Variants in MAMDC2 observed in about 807,000 individuals in gnomAD.
The protein encoded by MAMDC2 is MAM domain containing 2.
MAMDC2 carries 57 observed loss-of-function variants against 89.8 expected under a neutral mutation model. That is an observed-to-expected ratio of 0.63 (90% CI 0.51 to 0.79). MAMDC2 has a LOEUF of 0.79. Ranked by LOEUF, MAMDC2 falls within the 30% of genes least tolerant of loss-of-function variation. The pLI, the probability that MAMDC2 is intolerant of heterozygous loss-of-function variation, is 0.00. For missense variants in MAMDC2, 800 were observed against 820.6 expected, an observed-to-expected ratio of 0.97 and a Z score of 0.31; for synonymous variants, 313 against 293.4, an observed-to-expected ratio of 1.07 and a Z score of -0.68.
chr9:70,086,251 T>C (rs1827768277), intron 2 of MAMDC2: 1 of 152,196 alleles, frequency 6.6e-6, no homozygotes, highest in Non-Finnish European at 1.5e-5. Context: ...TTTATAAAAA[T>C]ACTGTTATAT....
chr9:70,146,698 C>T (rs117540069), intron 9 of MAMDC2, among the ~76,000 whole-genome samples: 10,462 of 152,096 alleles, frequency 0.069, 562 homozygotes, highest in East Asian at 0.22. Context: ...TCTGGGAGAC[C>T]GAGGCGAGTC....
In MAMDC2 at chr9:70,044,641, G is replaced by T. The variant is rs1385423316; in HGVS notation, c.92G>T (p.Ser31Ile). 2.6e-6 allele frequency: 4 copies of T among 1,551,614 alleles called. No homozygotes were observed. Among genetic ancestry groups the T allele is most frequent in the Non-Finnish European group, 2.6e-6 (3 of 1,147,002 alleles). Residue 31 changes from serine to isoleucine, a missense_variant, in exon 2 of 14, where the codon AGC (serine) becomes ATC (isoleucine). Transcript: ENST00000377182. ...LPAGSCAFEE[S>I]TCGFDSVLAS... ...GCTGGGTCCTGTGCCTTTGAAGAGA[G>T]CACTTGCGGCTTTGACTCCGTGTTG...
intron 2 of MAMDC2, among the ~76,000 whole-genome samples, chr9:70,045,605 A>C (rs577922501): frequency 2.7e-4 from 41 of 151,846 alleles, no homozygotes; most frequent in African/African-American, 9.7e-4. Context: ...AGATCCTCCC[A>C]CCTCGCTCCC....
At chr9:70,203,001 C>G (rs2033135954) in intron 11 of MAMDC2, among the ~76,000 whole-genome samples, 1 of 151,998 alleles carries the variant, frequency 6.6e-6, no homozygotes, top group African/African-American at 2.4e-5. Context: ...GATCTTGACT[C>G]TTTATCCAAT....
chr9:70,199,059 G>GTT (rs1554681332), intron 11 of MAMDC2, among the ~76,000 whole-genome samples: 3 of 29,622 alleles, frequency 1.0e-4, no homozygotes, highest in South Asian at 2.6e-3. Context: ...TTTTTCGTTT[G>GTT]TTTTTTTTTT....
chr9:70,206,306 G>A (rs893390475), intron 11 of MAMDC2, among the ~76,000 whole-genome samples: 1 of 152,114 alleles, frequency 6.6e-6, no homozygotes, highest in Non-Finnish European at 1.5e-5. Flanking sequence ...AGTTATTGTT[G>A]TTAATCTCTT....
intron 4 of MAMDC2, among the ~76,000 whole-genome samples, chr9:70,111,002 G>C (rs538339144): frequency 1.3e-5 from 2 of 152,342 alleles, no homozygotes; most frequent in African/African-American, 4.8e-5. Context: ...CGTTTCACTT[G>C]TCTGTTTTGA....
chr9:70,212,022 G>A (rs1587576189), intron 11 of MAMDC2, among the ~76,000 whole-genome samples: 1 of 152,226 alleles, frequency 6.6e-6, no homozygotes, highest in African/African-American at 2.4e-5. Context: ...GCTGTATTAA[G>A]TGTCAGTTGG....
intron 11 of MAMDC2, among the ~76,000 whole-genome samples, chr9:70,191,403 T>G (rs1587556868): frequency 6.6e-6 from 1 of 152,166 alleles, no homozygotes; most frequent in Admixed American, 6.6e-5. Flanking sequence ...GAATTATTAA[T>G]CATAATTATT....
At chr9:70,212,411 T>C (rs777224157) in intron 11 of MAMDC2, among the ~76,000 whole-genome samples, 4 of 152,242 alleles carry the variant, frequency 2.6e-5, no homozygotes, top group Non-Finnish European at 4.4e-5. Flanking sequence ...CTCTGTGGGT[T>C]TGGGACCCTC....
intron 2 of MAMDC2, among the ~76,000 whole-genome samples, chr9:70,093,342 G>T (rs1827950262): frequency 6.6e-6 from 1 of 151,982 alleles, no homozygotes. Flanking sequence ...AGGTACACCT[G>T]GGGAACTTGC....
intron 12 of MAMDC2, among the ~76,000 whole-genome samples, chr9:70,220,432 C>A (rs2033534102): frequency 6.6e-6 from 1 of 152,138 alleles, no homozygotes; most frequent in Admixed American, 6.5e-5. Flanking sequence ...ATAAGAATCT[C>A]CTCTGTGTTA....
chr9:70,136,636 GA>G (rs994758530), intron 7 of MAMDC2, among the ~76,000 whole-genome samples: 2 of 151,534 alleles, frequency 1.3e-5, no homozygotes, highest in Admixed American at 1.3e-4. Flanking sequence ...GACAAAGAAT[GA>G]AAAAAAAGGA....
At chr9:70,202,277 C>G (rs1177494676) in intron 11 of MAMDC2, among the ~76,000 whole-genome samples, 49 of 151,362 alleles carry the variant, frequency 3.2e-4, no homozygotes, top group Middle Eastern at 3.4e-3. Flanking sequence ...TGGTTTCAAA[C>G]AACATCTTTA....
chr9:70,108,690 C>T lies in MAMDC2; in HGVS notation c.420+208C>T, dbSNP rs546113313. Among the ~76,000 whole-genome samples, 6 of 152,240 alleles carry T rather than the reference C, an allele frequency of 3.9e-5. No individual in the cohort carries two copies. The South Asian group carries it at 1.0e-3, about 26-fold the overall frequency. On this transcript the variant is annotated intron_variant, in intron 3 of 13. Coordinates refer to ENST00000377182, the MANE Select transcript of MAMDC2 (RefSeq NM_153267.5). Reference sequence around the variant, plus strand: ...AGAGCTTCTTCCCAGATTTCTTTCCCATCTATTTAAATGAGCCTTCTGTAA... The same window carrying T: ...AGAGCTTCTTCCCAGATTTCTTTCCTATCTATTTAAATGAGCCTTCTGTAA...
At chr9:70,131,233 C>T (rs1345411831) in intron 6 of MAMDC2, among the ~76,000 whole-genome samples, 5 of 152,094 alleles carry the variant, frequency 3.3e-5, no homozygotes, top group African/African-American at 1.2e-4. Flanking sequence ...CCCAAAAAGC[C>T]CCACCTTCTA....
At position 70,115,298 on chromosome 9, in the gene MAMDC2, A is replaced by C. The variant is rs75913461; in HGVS notation, c.643+2166A>C. ...CTTACATAAGAAATTGAGATAAGAC[A>C]AAAAAAAAAGCATGTTTATGTACTT... On this transcript the variant is annotated intron_variant, in intron 5 of 13. Transcript: ENST00000377182. Among the ~76,000 whole-genome samples the C allele has an allele frequency of 2.3e-4, 34 of 148,060 alleles. 1 individual carries two copies. In the South Asian group the frequency reaches 6.9e-3, roughly 30 times the overall value.
At chr9:70,115,676 A>G (rs953251131) in intron 5 of MAMDC2, among the ~76,000 whole-genome samples, 3 of 152,206 alleles carry the variant, frequency 2.0e-5, no homozygotes, top group African/African-American at 7.2e-5. Context: ...CGGATAGCCC[A>G]TATTTTTACC....
intron 11 of MAMDC2, among the ~76,000 whole-genome samples, chr9:70,203,913 C>A (rs1223095407): frequency 8.1e-6 from 1 of 123,188 alleles, no homozygotes; most frequent in Non-Finnish European, 1.7e-5. Context: ...CCATCAGCTC[C>A]TTTAAGCACT....
Sources: gnomAD v4.1 joint callset for allele counts (sites outside exome capture counted in the v4.1 genomes callset) on GRCh38, gnomAD v4.1.1 for gene constraint, MANE v1.5 for transcripts, NCBI Gene and HGNC (gene_info 2026-07-23, HGNC 2026-07-21) for gene names.